PUDP: variants seen among roughly 807,000 people sequenced by gnomAD.
PUDP encodes pseudouridine 5'-phosphatase.
PUDP carries 8 observed loss-of-function variants against 9.4 expected under a neutral mutation model. The ratio of observed to expected loss-of-function variants is 0.85; its 90% CI spans 0.50 to 1.53. The LOEUF is 1.53. Among genes scored for constraint, PUDP ranks in the 40% most tolerant of loss-of-function variants. The pLI is 0.00. For missense variants in PUDP, 188 were observed against 189.7 expected (o/e 0.99, Z 0.05); for synonymous variants, 99 against 80.7 (o/e 1.23, Z -1.22).
At chrX:6,861,511 A>C (rs746577662) in intron 3 of PUDP, among the ~76,000 whole-genome samples, 13 of 112,277 alleles carry the variant, frequency 1.2e-4, no homozygotes, top group Non-Finnish European at 2.1e-4. Flanking sequence ...ATGCAATATT[A>C]AAAATGAAAT....
rs142700532 is a variant in PUDP, at chrX:6,977,976, G to A, written c.*137+189C>T. ...CCTTGCAAAACAAGTCCTTCACATG[G>A]TCCAGCCCTGCTAGCCTGGACACTG... On this transcript the variant is annotated intron_variant and NMD_transcript_variant, in intron 2 of 3. Coordinates refer to the PUDP transcript ENST00000655425. 1.0e-3 allele frequency among the ~76,000 whole-genome samples: 115 copies of A among 112,190 alleles called. No individual in the cohort carries two copies. In the East Asian group the frequency reaches 0.031, roughly 30 times the overall value.
intron 3 of PUDP, among the ~76,000 whole-genome samples, chrX:6,883,244 G>A (rs904396049): frequency 3.6e-5 from 4 of 111,404 alleles, no homozygotes; most frequent in Non-Finnish European, 7.5e-5. Flanking sequence ...AAATAAGGCC[G>A]GGTACAGTGG....
chrX:6,836,517 T>C (rs1361973096), intron 3 of PUDP, among the ~76,000 whole-genome samples: 2 of 112,187 alleles, frequency 1.8e-5, no homozygotes. Flanking sequence ...AACACAACAA[T>C]GTTGTGTAAG....
At chrX:6,928,085 C>A (rs746541391) in intron 3 of PUDP, among the ~76,000 whole-genome samples, 113 of 108,895 alleles carry the variant, frequency 1.0e-3, no homozygotes, top group Non-Finnish European at 9.0e-4. Context: ...CAGGTGCACA[C>A]CACTAGGCGA....
chrX:7,128,111 G>T (rs1932527755), intron 1 of PUDP, among the ~76,000 whole-genome samples: 1 of 111,147 alleles, frequency 9.0e-6, no homozygotes, highest in Non-Finnish European at 1.9e-5. Flanking sequence ...GTATGATCTT[G>T]GCTCACTGCA....
intron 1 of PUDP, among the ~76,000 whole-genome samples, chrX:6,995,699 G>A (rs1047325414): frequency 2.7e-5 from 3 of 109,286 alleles, no homozygotes; most frequent in Non-Finnish European, 5.7e-5. Flanking sequence ...ACTCCAGCCT[G>A]GGTGACAGAA....
chrX:6,786,057 TACTC>T (rs749181378), intron 3 of PUDP, among the ~76,000 whole-genome samples: 323 of 111,781 alleles, frequency 2.9e-3, no homozygotes, highest in Non-Finnish European at 5.0e-3. Flanking sequence ...CCTCCAGTAA[TACTC>T]AATGTGCTGT....
At chrX:6,766,131 A>G (rs1326280998) in intron 3 of PUDP, among the ~76,000 whole-genome samples, 2 of 111,987 alleles carry the variant, frequency 1.8e-5, no homozygotes, top group East Asian at 5.6e-4. Context: ...AGAACTTTAT[A>G]TCCAGTAAAA....
chrX:6,887,208 CAAAT>C (rs1484581398), intron 3 of PUDP, among the ~76,000 whole-genome samples: 4 of 103,676 alleles, frequency 3.9e-5, no homozygotes, highest in East Asian at 2.9e-4. Context: ...TATTTATTTA[CAAAT>C]AAATATATTA....
chrX:6,860,478 T>G (rs1352258262), intron 3 of PUDP, among the ~76,000 whole-genome samples: 7 of 106,128 alleles, frequency 6.6e-5, no homozygotes, highest in Non-Finnish European at 1.2e-4. Flanking sequence ...GTTTTTTGTT[T>G]TTTGTTTTTT....
intron 1 of PUDP, among the ~76,000 whole-genome samples, chrX:7,116,383 G>T (rs146709817): frequency 0.029 from 3,285 of 111,683 alleles, 53 homozygotes; most frequent in Non-Finnish European, 0.049. Flanking sequence ...CTGGGCTGCC[G>T]ACTAGACTCA....
At chrX:7,137,651 G>A in intron 1 of PUDP, among the ~76,000 whole-genome samples, 1 of 112,781 alleles carries the variant, frequency 8.9e-6, no homozygotes, top group South Asian at 3.6e-4. Flanking sequence ...CAAAGAGACT[G>A]TGGTGTGTGC....
intron 3 of PUDP, among the ~76,000 whole-genome samples, chrX:6,820,370 C>T (rs774655776): frequency 1.8e-5 from 2 of 110,686 alleles, no homozygotes; most frequent in Non-Finnish European, 3.8e-5. Flanking sequence ...CTTCACATTT[C>T]GAAACGAATC....
intron 1 of PUDP, among the ~76,000 whole-genome samples, chrX:7,112,185 A>G (rs1306613073): frequency 1.8e-5 from 2 of 111,672 alleles, no homozygotes; most frequent in African/African-American, 6.5e-5. Flanking sequence ...CTGGGCTAGC[A>G]TGAGGTGGTT....
At chrX:7,146,509 T>C (rs1378828879) in intron 1 of PUDP, among the ~76,000 whole-genome samples, 2 of 111,523 alleles carry the variant, frequency 1.8e-5, no homozygotes, top group Non-Finnish European at 3.8e-5. Context: ...CTTTCTGAAA[T>C]TGAGTCATTT....
At chrX:6,892,321 T>A (rs1019202922) in intron 3 of PUDP, among the ~76,000 whole-genome samples, 3 of 111,555 alleles carry the variant, frequency 2.7e-5, no homozygotes, top group African/African-American at 9.8e-5. Context: ...TAGTCTGTTC[T>A]CATGCTGCTG....
At chrX:6,711,743 T>G (rs911001463) in intron 1 of PUDP, among the ~76,000 whole-genome samples, 1 of 111,701 alleles carries the variant, frequency 9.0e-6, no homozygotes, top group African/African-American at 3.3e-5. Flanking sequence ...CTTTGTCTCC[T>G]TAGTAAATTC....
intron 1 of PUDP, among the ~76,000 whole-genome samples, chrX:6,721,237 A>G (rs1489814760): frequency 1.8e-5 from 2 of 112,147 alleles, no homozygotes; most frequent in African/African-American, 6.5e-5. Context: ...AGTTTCTGTG[A>G]GAAATCCTCC....
intron 1 of PUDP, among the ~76,000 whole-genome samples, chrX:7,027,818 AC>A (rs1350924802): frequency 1.5e-3 from 1 of 682 alleles, no homozygotes. Context: ...CTATATATAG[AC>A]TATAGAATAT....
Sources: allele counts gnomAD v4.1 joint callset (sites outside exome capture counted in the v4.1 genomes callset), GRCh38; gene constraint gnomAD v4.1.1; transcripts MANE v1.5; gene names NCBI Gene and HGNC (gene_info 2026-07-23, HGNC 2026-07-21).